EPHA3: variants seen among roughly 807,000 people sequenced by gnomAD.
The protein encoded by EPHA3 is EPH receptor A3, also known as ephrin type-A receptor 3.
Under a neutral mutation model 107.1 loss-of-function variants are expected in EPHA3, and 42 were observed. That is an observed-to-expected ratio of 0.39 (90% CI 0.31 to 0.51). The LOEUF is 0.51. EPHA3 is among the 20% of genes least tolerant of loss of function. The pLI is 0.78. For missense variants in EPHA3, 1,183 were observed against 1,211.2 expected, an observed-to-expected ratio of 0.98 and a Z score of 0.35; for synonymous variants, 461 against 424.8, an observed-to-expected ratio of 1.09 and a Z score of -1.05.
At chr3:89,187,924 C>A (rs1195036330) in intron 2 of EPHA3, among the ~76,000 whole-genome samples, 1 of 152,128 alleles carries the variant, frequency 6.6e-6, no homozygotes. Flanking sequence ...CTTAGCACCA[C>A]AAACCTGCTT....
At chr3:89,248,834 T>C (rs185183219) in intron 3 of EPHA3, among the ~76,000 whole-genome samples, 1 of 152,318 alleles carries the variant, frequency 6.6e-6, no homozygotes, top group African/African-American at 2.4e-5. Context: ...AAATTCATGT[T>C]CTTTAAAGGA....
rs532365863 is a variant in EPHA3, at chr3:89,262,963, C to CTTT, written c.814+52468_814+52470dup. Among the ~76,000 whole-genome samples the CTTT allele has an allele frequency of 6.9e-3, 675 of 97,426 alleles. 41 individuals are homozygous for CTTT. The highest frequency in any genetic ancestry group is 9.4e-3 in the Non-Finnish European group (452 of 48,276). 63.9% of individuals were successfully genotyped at this position (97,426 alleles called of 152,430 possible). On this transcript the variant is annotated intron_variant, in intron 3 of 16. Coordinates refer to ENST00000336596, the MANE Select transcript of EPHA3 (RefSeq NM_005233.6). ...GTCCCCGAGGGCATGTTACAGCGCT[C>CTTT]TTTTTTTTTTTTTTTTTTTTTTTTT...
intron 15 of EPHA3, among the ~76,000 whole-genome samples, chr3:89,458,090 C>G (rs191929051): frequency 6.6e-6 from 1 of 152,274 alleles, no homozygotes; most frequent in African/African-American, 2.4e-5. Context: ...GTTTGAATGC[C>G]TCCTGTTTCC....
intron 5 of EPHA3, among the ~76,000 whole-genome samples, chr3:89,346,989 G>C (rs1452556415): frequency 7.0e-6 from 1 of 143,138 alleles, no homozygotes; most frequent in East Asian, 2.0e-4. Flanking sequence ...CTCTGTTTTG[G>C]TACCAGTACC....
At chr3:89,129,417 C>T (rs1704155487) in intron 2 of EPHA3, among the ~76,000 whole-genome samples, 1 of 151,902 alleles carries the variant, frequency 6.6e-6, no homozygotes, top group Admixed American at 6.6e-5. Context: ...GAGACACTCC[C>T]CAATAGTTCA....
chr3:89,458,897 A>T (rs1710157053), intron 15 of EPHA3, among the ~76,000 whole-genome samples: 1 of 152,208 alleles, frequency 6.6e-6, no homozygotes, highest in Non-Finnish European at 1.5e-5. Flanking sequence ...ATGAAGCTGG[A>T]GACCATCATT....
chr3:89,392,943 C>G (rs1202070819), intron 5 of EPHA3, among the ~76,000 whole-genome samples: 1 of 151,902 alleles, frequency 6.6e-6, no homozygotes, highest in African/African-American at 2.4e-5. Context: ...AATGGAGTGC[C>G]CAGAGAATTT....
At chr3:89,472,405 A>G in intron 15 of EPHA3, 59 bp from the exon 16 acceptor site, 1 of 1,546,508 alleles carries the variant, frequency 6.5e-7, no homozygotes, top group South Asian at 1.2e-5. Flanking sequence ...TCAAATTTTG[A>G]CACACAGCAA....
intron 3 of EPHA3, among the ~76,000 whole-genome samples, chr3:89,210,958 C>T (rs990874092): frequency 5.3e-5 from 8 of 152,046 alleles, no homozygotes; most frequent in Non-Finnish European, 1.2e-4. Context: ...ATATTTACTT[C>T]ATTGCTATAA....
intron 3 of EPHA3, among the ~76,000 whole-genome samples, chr3:89,219,478 T>A (rs1235918812): frequency 2.6e-5 from 4 of 151,786 alleles, no homozygotes; most frequent in Non-Finnish European, 5.9e-5. Flanking sequence ...CAACAATTTA[T>A]GAGTGTCTGC....
At chr3:89,385,392 C>T (rs550095052) in intron 5 of EPHA3, among the ~76,000 whole-genome samples, 2 of 152,222 alleles carry the variant, frequency 1.3e-5, no homozygotes, top group South Asian at 2.1e-4. Context: ...GGGCTGTTAC[C>T]CTCATGCTGT....
intron 1 of EPHA3, 129 bp downstream of exon 1, chr3:89,107,965 G>T: frequency 1.3e-6 from 1 of 761,994 alleles, no homozygotes; most frequent in Non-Finnish European, 2.1e-6. Flanking sequence ...GAGAGTGAAG[G>T]AAAGATGTGC....
intron 11 of EPHA3, among the ~76,000 whole-genome samples, chr3:89,425,488 C>T (rs1709437047): frequency 6.7e-6 from 1 of 149,930 alleles, no homozygotes; most frequent in Non-Finnish European, 1.5e-5. Flanking sequence ...TATAATATAC[C>T]CTCATTAGAG....
intron 2 of EPHA3, 110 bp from the exon 3 acceptor site, chr3:89,209,750 T>G: frequency 2.2e-6 from 2 of 910,222 alleles, no homozygotes; most frequent in Non-Finnish European, 3.2e-6. Context: ...AAGAATGTTT[T>G]TAATGAGTAA....
chr3:89,157,424 T>C lies in EPHA3; in HGVS notation c.153+30151T>C, dbSNP rs369783376. 5.9e-4 allele frequency among the ~76,000 whole-genome samples: 90 copies of C among 152,160 alleles called. 2 individuals carry two copies. The South Asian group carries it at 0.018, about 31-fold the overall frequency. Reference sequence around the variant, plus strand: ...ATCCATAACACCTGTAGCAAATTCCTATGGTGTTCTTTCACAAAACCAGAT... The same window carrying C: ...ATCCATAACACCTGTAGCAAATTCCCATGGTGTTCTTTCACAAAACCAGAT... On this transcript the variant is annotated intron_variant, in intron 2 of 16. Coordinates refer to ENST00000336596, the MANE Select transcript of EPHA3 (RefSeq NM_005233.6).
intron 2 of EPHA3, among the ~76,000 whole-genome samples, chr3:89,137,958 T>C (rs1194337657): frequency 6.6e-6 from 1 of 151,844 alleles, no homozygotes; most frequent in East Asian, 1.9e-4. Flanking sequence ...ACCCTGAGGA[T>C]GGGGCCCAGC....
chr3:89,132,369 C>CA (rs1455669684), intron 2 of EPHA3, among the ~76,000 whole-genome samples: 1 of 152,126 alleles, frequency 6.6e-6, no homozygotes, highest in Non-Finnish European at 1.5e-5. Context: ...TATCTTTGCT[C>CA]AAATATTCTA....
chr3:89,203,995 A>T (rs1706039132), intron 2 of EPHA3, among the ~76,000 whole-genome samples: 2 of 152,072 alleles, frequency 1.3e-5, no homozygotes, highest in African/African-American at 4.8e-5. Flanking sequence ...TTCTGGAGAC[A>T]TTGTGCCTTT....
chr3:89,183,446 C>A (rs1037181889), intron 2 of EPHA3, among the ~76,000 whole-genome samples: 1 of 151,742 alleles, frequency 6.6e-6, no homozygotes, highest in Admixed American at 6.6e-5. Context: ...ACCAAATACC[C>A]AAAGATATGT....
Sources: gnomAD v4.1 joint callset for allele counts (sites outside exome capture counted in the v4.1 genomes callset) on GRCh38, gnomAD v4.1.1 for gene constraint, MANE v1.5 for transcripts, NCBI Gene and HGNC (gene_info 2026-07-23, HGNC 2026-07-21) for gene names.